NCAPD3: variants seen among roughly 807,000 people sequenced by gnomAD.
NCAPD3 encodes the protein non-SMC condensin II complex subunit D3.
A neutral mutation model predicts 182.9 loss-of-function variants in NCAPD3; 105 were observed. That is an observed-to-expected ratio of 0.57 (90% CI 0.49 to 0.68). NCAPD3 has a LOEUF of 0.68. Among genes scored for constraint, NCAPD3 ranks in the 30% least tolerant of loss-of-function variants. The pLI is 0.00. For missense variants in NCAPD3, 1,944 were observed against 1,837.0 expected, an observed-to-expected ratio of 1.06 and a Z score of -1.07; for synonymous variants, 815 against 679.9, an observed-to-expected ratio of 1.20 and a Z score of -3.09.
intron 30 of NCAPD3, 94 bp downstream of exon 30, chr11:134,158,235 T>G (rs979463720): frequency 3.2e-6 from 5 of 1,553,562 alleles, no homozygotes; most frequent in Non-Finnish European, 3.5e-6. Context: ...ACAATGACAA[T>G]GACTTTCCTG....
At chr11:134,206,871 G>C (rs1937625731) in intron 7 of NCAPD3, 139 bp from the exon 8 acceptor site, 2 of 768,172 alleles carry the variant, frequency 2.6e-6, no homozygotes, top group Admixed American at 3.4e-5. Context: ...TGAACACTAG[G>C]GATATATTTC....
At chr11:134,157,818 T>C (rs938799384) in intron 31 of NCAPD3, 110 bp downstream of exon 31, 13 of 1,211,196 alleles carry the variant, frequency 1.1e-5, no homozygotes, top group Non-Finnish European at 1.2e-5. Flanking sequence ...TTAACGTTAT[T>C]TGTTTTAAAG....
At chr11:134,166,888 T>C (rs1256008039) in intron 27 of NCAPD3, among the ~76,000 whole-genome samples, 1 of 83,334 alleles carries the variant, frequency 1.2e-5, no homozygotes. Context: ...CACACTCACT[T>C]GTGAGATGAG....
chr11:134,156,462 C>T (rs1413057860), intron 32 of NCAPD3, among the ~76,000 whole-genome samples: 1 of 152,170 alleles, frequency 6.6e-6, no homozygotes, highest in Non-Finnish European at 1.5e-5. Flanking sequence ...AGCTATCACA[C>T]AAGATAATAG....
Position 134,176,290 on chromosome 11 carries a change from G to T in NCAPD3, c.3101+17C>A. The T allele has an allele frequency of 6.2e-7, 1 of 1,607,604 alleles. No individual in the cohort carries two copies. The highest frequency in any genetic ancestry group is 8.5e-7 in the Non-Finnish European group (1 of 1,174,062). ...GAGGTAAACTGTTGAGTCGTCTGAC[G>T]TGAGGAAAAGATTTACCTGGCAATG... On this transcript the variant is annotated intron_variant, in intron 24 of 34. Transcript: ENST00000534548.
chr11:134,167,152 C>T (rs71486992), intron 27 of NCAPD3, among the ~76,000 whole-genome samples: 1,828 of 114,766 alleles, frequency 0.016, 127 homozygotes, highest in Non-Finnish European at 0.024. Flanking sequence ...GGGGCACACT[C>T]ACTAGTGAGG....
At chr11:134,203,334 G>A (rs373550162) in intron 11 of NCAPD3, 136 bp from the exon 12 acceptor site, 12 of 724,914 alleles carry the variant, frequency 1.7e-5, no homozygotes, top group African/African-American at 5.3e-5. Context: ...AACTGATAAC[G>A]TTCTCCTTGG....
intron 22 of NCAPD3, 94 bp downstream of exon 22, chr11:134,178,540 C>T (rs1015804371): frequency 1.1e-5 from 11 of 985,454 alleles, no homozygotes; most frequent in Middle Eastern, 3.4e-4. Flanking sequence ...AGACAGGCTC[C>T]GCAGCCCCTG....
At chr11:134,225,424 C>A (rs766491448), upstream of NCAPD3, 3 of 1,410,750 alleles carry the variant, frequency 2.1e-6, no homozygotes, top group Non-Finnish European at 3.0e-6. Flanking sequence ...CCAGCTCCTC[C>A]GGCGAGGCCT....
At chr11:134,156,811 T>C (rs1257901417) in intron 32 of NCAPD3, 1 of 462,610 alleles carries the variant, frequency 2.2e-6, no homozygotes, top group African/African-American at 2.0e-5. Context: ...TGACTGAATG[T>C]AACGACACTG....
chr11:134,192,815 A>AG lies in NCAPD3; in HGVS notation c.1918dup (p.Leu640ProfsTer48). ...CAGCAGCAGCTGGTCCAGGAACTCC[A>AG]GGGCCTTCTCCTGCACAGTGCTCTC... On this transcript the variant is annotated frameshift_variant, in exon 16 of 35. Transcript: ENST00000534548. LOFTEE classifies it high-confidence loss of function. 1 of 1,614,170 alleles carries AG rather than the reference A, an allele frequency of 6.2e-7. No homozygotes were observed. The highest frequency in any genetic ancestry group is 8.5e-7 in the Non-Finnish European group (1 of 1,179,976).
intron 30 of NCAPD3, 49 bp downstream of exon 30, chr11:134,158,280 A>C: frequency 6.2e-7 from 1 of 1,605,522 alleles, no homozygotes; most frequent in African/African-American, 1.3e-5. Context: ...GCCTCTGAGA[A>C]CATCGCCACA....
At chr11:134,225,411 G>A, upstream of NCAPD3, 6 of 1,514,522 alleles carry the variant, frequency 4.0e-6, no homozygotes, top group Non-Finnish European at 5.5e-6. Flanking sequence ...GGTGATTCAG[G>A]GCCCAGCTCC....
chr11:134,169,977 C>A (rs1943967677), intron 24 of NCAPD3, among the ~76,000 whole-genome samples: 1 of 152,194 alleles, frequency 6.6e-6, no homozygotes, highest in Admixed American at 6.5e-5. Flanking sequence ...AAAGACTGTC[C>A]AAACAGCAGA....
intron 24 of NCAPD3, among the ~76,000 whole-genome samples, chr11:134,169,604 T>C (rs1472542189): frequency 6.6e-6 from 1 of 152,208 alleles, no homozygotes; most frequent in East Asian, 1.9e-4. Context: ...TCAATGCGCT[T>C]TGGAATCACC....
intron 3 of NCAPD3, among the ~76,000 whole-genome samples, chr11:134,214,385 C>G (rs1477136140): frequency 6.6e-6 from 1 of 152,066 alleles, no homozygotes; most frequent in Non-Finnish European, 1.5e-5. Flanking sequence ...AACATATCAT[C>G]GAAATTTGTG....
intron 27 of NCAPD3, among the ~76,000 whole-genome samples, chr11:134,165,112 C>T (rs1195294533): frequency 6.6e-6 from 1 of 151,478 alleles, no homozygotes; most frequent in East Asian, 2.0e-4. Flanking sequence ...GAGCTGCACA[C>T]TCACTTGTGA....
chr11:134,179,110 G>A (rs777275973), intron 20 of NCAPD3, among the ~76,000 whole-genome samples, 174 bp from the exon 21 acceptor site: 1 of 152,108 alleles, frequency 6.6e-6, no homozygotes, highest in Non-Finnish European at 1.5e-5. Flanking sequence ...ACTATGTAAT[G>A]AAACTCATCC....
chr11:134,156,792 G>T, intron 32 of NCAPD3: 1 of 426,596 alleles, frequency 2.3e-6, no homozygotes, highest in East Asian at 3.8e-5. Context: ...GGCCACTGTG[G>T]TGTTTGACTG....
Sources: gnomAD v4.1 joint callset for allele counts (sites outside exome capture counted in the v4.1 genomes callset) on GRCh38, gnomAD v4.1.1 for gene constraint, MANE v1.5 for transcripts, NCBI Gene and HGNC (gene_info 2026-07-23, HGNC 2026-07-21) for gene names.